ANAPC4: variants seen among roughly 807,000 people sequenced by gnomAD.
The protein encoded by ANAPC4 is anaphase promoting complex subunit 4, also known as anaphase-promoting complex subunit 4.
ANAPC4 carries 63 observed loss-of-function variants against 119.8 expected under a neutral mutation model. The observed-to-expected ratio is 0.53, with a 90% CI of 0.43 to 0.65. ANAPC4 has a LOEUF of 0.65. ANAPC4 is among the 30% of genes least tolerant of loss of function. The pLI is 0.00. For synonymous variants in ANAPC4, 283 were observed against 318.6 expected (o/e 0.89, Z 1.19); for missense variants, 716 against 945.1 (o/e 0.76, Z 3.18).
intron 22 of ANAPC4, chr4:25,414,103 G>T (rs983666835): frequency 4.2e-6 from 2 of 474,336 alleles, no homozygotes; most frequent in Non-Finnish European, 7.3e-6. Flanking sequence ...GAGGGAGGTG[G>T]TCTTAAACCT....
At chr4:25,412,573 A>G (rs1723632674) in intron 21 of ANAPC4, among the ~76,000 whole-genome samples, 1 of 151,996 alleles carries the variant, frequency 6.6e-6, no homozygotes, top group Admixed American at 6.6e-5. Flanking sequence ...AGACCTGACC[A>G]ACATAGTGAA....
chr4:25,384,558 C>T (rs993230280), intron 4 of ANAPC4, among the ~76,000 whole-genome samples: 1 of 152,164 alleles, frequency 6.6e-6, no homozygotes, highest in African/African-American at 2.4e-5. Flanking sequence ...CCAGGCACAG[C>T]AGCTCATGCC....
Position 25,388,714 on chromosome 4 carries a change from T to C in ANAPC4, c.444-3T>C. ...TTTTACCTTAATCTCTGTTTCCTTC[T>C]AGCTATAGCAACACCTCAAAAATAT... On this transcript the variant is annotated splice_region_variant and splice_polypyrimidine_tract_variant and intron_variant, in intron 5 of 28. Transcript: ENST00000315368. 2 of 1,605,372 alleles carry C rather than the reference T, an allele frequency of 1.2e-6. No individual in the cohort carries two copies. The highest frequency in any genetic ancestry group is 8.5e-7 in the Non-Finnish European group (1 of 1,175,218).
At chr4:25,381,822 C>T (rs1051706831) in intron 3 of ANAPC4, among the ~76,000 whole-genome samples, 3 of 152,024 alleles carry the variant, frequency 2.0e-5, no homozygotes, top group Admixed American at 2.0e-4. Flanking sequence ...GTGGTGGGCA[C>T]CTGTAATCCC....
chr4:25,393,830 T>A lies in ANAPC4; in HGVS notation c.815T>A (p.Met272Lys). The A allele has an allele frequency of 6.2e-7, 1 of 1,608,438 alleles. No individual in the cohort carries two copies. Among genetic ancestry groups the A allele is most frequent in the Non-Finnish European group, 8.5e-7 (1 of 1,177,428 alleles). The change falls in exon 11 of 29, where the codon ATG becomes AAG. Residue 272 changes from methionine (M) to lysine (K), a missense_variant. Met to Lys is a moderately conservative substitution (Grantham distance 95). Coordinates refer to ENST00000315368, the MANE Select transcript of ANAPC4 (RefSeq NM_013367.3). ...LQYINLSLTC[M>K]CEAWEEILMQ... ...TATATAAATTTGTCACTAACATGTA[T>A]GTGTGAAGCATGGGAAGAAATACTA...
intron 8 of ANAPC4, among the ~76,000 whole-genome samples, chr4:25,390,467 C>T (rs1722286308): frequency 6.6e-6 from 1 of 151,798 alleles, no homozygotes; most frequent in East Asian, 1.9e-4. Flanking sequence ...TAGTATGATA[C>T]ACTTGATTAT....
At chr4:25,389,519 C>T (rs1195337542) in intron 7 of ANAPC4, among the ~76,000 whole-genome samples, 1 of 151,536 alleles carries the variant, frequency 6.6e-6, no homozygotes, top group Non-Finnish European at 1.5e-5. Flanking sequence ...TCTCAGACTC[C>T]CAACCTCAGA....
At chr4:25,392,314 C>T (rs981757872) in intron 9 of ANAPC4, 24 bp from the exon 10 acceptor site, 6 of 1,533,134 alleles carry the variant, frequency 3.9e-6, no homozygotes, top group South Asian at 2.3e-5. Flanking sequence ...GATGATGACT[C>T]ACTTTACTCT....
chr4:25,393,002 A>G (rs1722437870), intron 10 of ANAPC4, among the ~76,000 whole-genome samples: 1 of 152,172 alleles, frequency 6.6e-6, no homozygotes, highest in African/African-American at 2.4e-5. Context: ...TGGAGTCAAC[A>G]GTGTTATTTC....
intron 4 of ANAPC4, among the ~76,000 whole-genome samples, chr4:25,387,826 C>T (rs2109116031): frequency 6.6e-6 from 1 of 152,198 alleles, no homozygotes; most frequent in South Asian, 2.1e-4. Flanking sequence ...GTGTATAAGT[C>T]ATAGAACCAA....
Position 25,414,598 on chromosome 4 carries a change from G to A in ANAPC4, c.1725-1G>A. ...AATATTATGACAATTTTTTTTCTTA[G>A]GTGGAATAATAAAACTTCAAATCTA... On this transcript the variant is annotated splice_acceptor_variant, in intron 24 of 28. Transcript: ENST00000315368. LOFTEE classifies it high-confidence loss of function. 6.4e-7 allele frequency: 1 copy of A among 1,550,576 alleles called. No individual in the cohort carries two copies. Among genetic ancestry groups the A allele is most frequent in the Non-Finnish European group, 8.7e-7 (1 of 1,146,426 alleles).
intron 3 of ANAPC4, among the ~76,000 whole-genome samples, chr4:25,382,360 T>C (rs1292121916): frequency 2.0e-5 from 3 of 152,194 alleles, no homozygotes; most frequent in Admixed American, 6.5e-5. Context: ...TTTCTGGAAA[T>C]GTCTTAAACA....
intron 3 of ANAPC4, among the ~76,000 whole-genome samples, chr4:25,382,043 T>A (rs1168309041): frequency 6.6e-6 from 1 of 152,250 alleles, no homozygotes; most frequent in Non-Finnish European, 1.5e-5. Flanking sequence ...AATACATACA[T>A]GTAGAGATCT....
At position 25,388,101 on chromosome 4, in the gene ANAPC4, C is replaced by T. The variant is rs532738714; in HGVS notation, c.369-399C>T. Among the ~76,000 whole-genome samples, 13 of 152,270 alleles carry T rather than the reference C, an allele frequency of 8.5e-5. No individual in the cohort carries two copies. The South Asian group carries it at 2.7e-3, about 32-fold the overall frequency. Reference sequence around the variant, plus strand: ...CCATGATCACACCACTGCACTCCGGCCTGGGTGAGACCCTGTCTCATAAAT... The same window carrying T: ...CCATGATCACACCACTGCACTCCGGTCTGGGTGAGACCCTGTCTCATAAAT... On this transcript the variant is annotated intron_variant, in intron 4 of 28. Transcript: ENST00000315368.
At chr4:25,384,706 G>A (rs1186700539) in intron 4 of ANAPC4, among the ~76,000 whole-genome samples, 1 of 151,906 alleles carries the variant, frequency 6.6e-6, no homozygotes, top group Non-Finnish European at 1.5e-5. Context: ...GGAGGCTGAG[G>A]TGGGAGGATC....
intron 11 of ANAPC4, 53 bp from the exon 12 acceptor site, chr4:25,394,257 G>A (rs979924495): frequency 7.1e-7 from 1 of 1,402,946 alleles, no homozygotes; most frequent in Non-Finnish European, 9.7e-7. Context: ...GAATAAATAT[G>A]CTTATAATTT....
intron 8 of ANAPC4, among the ~76,000 whole-genome samples, chr4:25,390,660 G>A (rs1277773678): frequency 6.6e-6 from 1 of 152,222 alleles, no homozygotes; most frequent in Non-Finnish European, 1.5e-5. Flanking sequence ...TGTAGGCTCT[G>A]TGGAATATGT....
At chr4:25,394,467 T>C in intron 12 of ANAPC4, 93 bp downstream of exon 12, 1 of 1,184,126 alleles carries the variant, frequency 8.4e-7, no homozygotes, top group Non-Finnish European at 1.2e-6. Flanking sequence ...GTATGTGATT[T>C]TTTTAATTGA....
chr4:25,392,032 C>T (rs1722374161), intron 9 of ANAPC4, among the ~76,000 whole-genome samples: 1 of 152,148 alleles, frequency 6.6e-6, no homozygotes, highest in African/African-American at 2.4e-5. Flanking sequence ...ATTCCTTATA[C>T]TTCCTTTAAG....
Sources: gnomAD v4.1 joint callset for allele counts (sites outside exome capture counted in the v4.1 genomes callset) on GRCh38, gnomAD v4.1.1 for gene constraint, MANE v1.5 for transcripts, NCBI Gene and HGNC (gene_info 2026-07-23, HGNC 2026-07-21) for gene names.